The following PTPRG variants were observed in gnomAD, a reference collection of about 807,000 sequenced individuals.
PTPRG encodes the protein protein tyrosine phosphatase receptor type G.
Under a neutral mutation model 165.3 loss-of-function variants are expected in PTPRG, and 102 were observed. The observed-to-expected ratio is 0.62, with a 90% CI of 0.53 to 0.73. The LOEUF is 0.73. PTPRG is among the 30% of genes least tolerant of loss of function. The pLI, the probability that PTPRG is intolerant of heterozygous loss-of-function variation, is 0.00. For missense variants in PTPRG, 1,866 were observed against 1,861.4 expected, an observed-to-expected ratio of 1.00 and a Z score of -0.05; for synonymous variants, 675 against 669.5, an observed-to-expected ratio of 1.01 and a Z score of -0.13.
At chr3:61,694,479 G>T (rs2030439119) in intron 1 of PTPRG, among the ~76,000 whole-genome samples, 1 of 152,092 alleles carries the variant, frequency 6.6e-6, no homozygotes, top group Admixed American at 6.5e-5. Flanking sequence ...GTACGAACAT[G>T]CATCTGGTTG....
intron 1 of PTPRG, among the ~76,000 whole-genome samples, chr3:61,567,475 C>G (rs570873144): frequency 6.6e-6 from 1 of 152,088 alleles, no homozygotes; most frequent in African/African-American, 2.4e-5. Flanking sequence ...AGTTCGAGAC[C>G]AGCCAGGGCA....
chr3:61,793,651 A>AAAT (rs1469783229), intron 2 of PTPRG, among the ~76,000 whole-genome samples: 1 of 152,256 alleles, frequency 6.6e-6, no homozygotes, highest in Non-Finnish European at 1.5e-5. Context: ...ATTGATAAAA[A>AAAT]AATAATAATA....
chr3:62,153,341 C>A (rs1416711753), intron 6 of PTPRG, among the ~76,000 whole-genome samples: 1 of 152,152 alleles, frequency 6.6e-6, no homozygotes, highest in Non-Finnish European at 1.5e-5. Context: ...TCACAGCAAC[C>A]CTGAGAGTAA....
At chr3:61,907,929 C>CTA (rs2038697927) in intron 2 of PTPRG, among the ~76,000 whole-genome samples, 2 of 150,606 alleles carry the variant, frequency 1.3e-5, no homozygotes, top group Non-Finnish European at 3.0e-5. Context: ...AGTTTGATGC[C>CTA]AGCAACATAG....
At chr3:61,672,200 A>C (rs1236224376) in intron 1 of PTPRG, among the ~76,000 whole-genome samples, 9 of 109,192 alleles carry the variant, frequency 8.2e-5, no homozygotes, top group African/African-American at 3.2e-4. Context: ...CCTAGATGGG[A>C]TGGCGGCCGG....
intron 5 of PTPRG, among the ~76,000 whole-genome samples, chr3:62,114,515 C>G (rs1218541769): frequency 2.0e-5 from 3 of 152,062 alleles, no homozygotes; most frequent in Non-Finnish European, 2.9e-5. Context: ...TTATGATATT[C>G]TTTCTCTTTC....
chr3:61,671,130 T>C (rs1403583189), intron 1 of PTPRG, among the ~76,000 whole-genome samples: 1 of 134,320 alleles, frequency 7.4e-6, no homozygotes, highest in Non-Finnish European at 1.6e-5. Context: ...TGATACTGTA[T>C]GAACTTTCTT....
chr3:61,969,422 A>G (rs1186489520), intron 2 of PTPRG, among the ~76,000 whole-genome samples: 1 of 152,226 alleles, frequency 6.6e-6, no homozygotes, highest in African/African-American at 2.4e-5. Context: ...GGGAATTTTA[A>G]TTAAAGACAT....
intron 2 of PTPRG, among the ~76,000 whole-genome samples, chr3:61,775,896 G>T (rs2034364585): frequency 7.5e-6 from 1 of 133,166 alleles, no homozygotes; most frequent in East Asian, 2.6e-4. Flanking sequence ...TTGGACACAG[G>T]AAGGGGAACA....
intron 2 of PTPRG, among the ~76,000 whole-genome samples, chr3:61,920,098 T>C (rs550688248): frequency 6.6e-6 from 1 of 152,314 alleles, no homozygotes; most frequent in African/African-American, 2.4e-5. Flanking sequence ...GAGGTGTTTT[T>C]CTCCATAGGG....
chr3:62,098,001 A>G (rs1406041312), intron 5 of PTPRG, among the ~76,000 whole-genome samples: 1 of 152,254 alleles, frequency 6.6e-6, no homozygotes, highest in Non-Finnish European at 1.5e-5. Context: ...AAGAGCTGCT[A>G]TCACAGAGAT....
At chr3:62,276,011 G>C (rs1242618292) in intron 24 of PTPRG, 45 bp downstream of exon 24, 2 of 1,416,898 alleles carry the variant, frequency 1.4e-6, no homozygotes, top group African/African-American at 1.4e-5. Context: ...ATACTGGATT[G>C]TATGTTAGGT....
chr3:62,153,280 C>G (rs7633054), intron 6 of PTPRG, among the ~76,000 whole-genome samples: 6,829 of 152,292 alleles, frequency 0.045, 368 homozygotes, highest in African/African-American at 0.13. Context: ...TGGGCTTACA[C>G]TGGGCCAGGA....
chr3:62,034,151 C>G (rs1244659842), intron 4 of PTPRG, among the ~76,000 whole-genome samples: 1 of 152,216 alleles, frequency 6.6e-6, no homozygotes, highest in Non-Finnish European at 1.5e-5. Flanking sequence ...AAAATGCTCA[C>G]ATACTCAAGT....
chr3:62,073,266 A>C (rs768839099), intron 4 of PTPRG, among the ~76,000 whole-genome samples: 10 of 152,214 alleles, frequency 6.6e-5, no homozygotes, highest in Non-Finnish European at 1.5e-4. Context: ...AAGGATACTA[A>C]AGTAGTGAGT....
At chr3:62,175,562 G>A (rs1267562298) in intron 8 of PTPRG, among the ~76,000 whole-genome samples, 2 of 152,154 alleles carry the variant, frequency 1.3e-5, no homozygotes, top group Non-Finnish European at 2.9e-5. Context: ...CCTCTGCCAG[G>A]ATTTGCTTTT....
chr3:62,093,143 A>C (rs192426714), intron 5 of PTPRG, among the ~76,000 whole-genome samples: 1 of 152,186 alleles, frequency 6.6e-6, no homozygotes. Flanking sequence ...GCGTGATTCT[A>C]AATAGTGCAC....
At chr3:61,864,154 C>A (rs1328003708) in intron 2 of PTPRG, among the ~76,000 whole-genome samples, 2 of 152,158 alleles carry the variant, frequency 1.3e-5, no homozygotes, top group Non-Finnish European at 2.9e-5. Flanking sequence ...GTCAAACAAT[C>A]CCTTCAAAAT....
chr3:61,842,524 C>A (rs1268350706), intron 2 of PTPRG, among the ~76,000 whole-genome samples: 1 of 151,982 alleles, frequency 6.6e-6, no homozygotes, highest in African/African-American at 2.4e-5. Context: ...TATTGAAGGC[C>A]CACATTAAAT....
Sources: gnomAD v4.1 joint callset for allele counts (sites outside exome capture counted in the v4.1 genomes callset) on GRCh38, gnomAD v4.1.1 for gene constraint, MANE v1.5 for transcripts, NCBI Gene and HGNC (gene_info 2026-07-23, HGNC 2026-07-21) for gene names.